Variants in ITGA9 observed in about 807,000 individuals in gnomAD.
ITGA9 encodes integrin subunit alpha 9.
ITGA9 carries 56 observed loss-of-function variants against 127.8 expected under a neutral mutation model. The ratio of observed to expected loss-of-function variants is 0.44; its 90% CI spans 0.35 to 0.55. ITGA9 has a LOEUF of 0.55. Ranked by LOEUF, ITGA9 falls within the 20% of genes least tolerant of loss-of-function variation. The pLI is 0.00. For missense variants in ITGA9, 1,196 were observed against 1,347.1 expected (o/e 0.89, Z 1.76); for synonymous variants, 508 against 514.5 (o/e 0.99, Z 0.17).
intron 17 of ITGA9, among the ~76,000 whole-genome samples, chr3:37,658,379 T>G (rs1034227158): frequency 6.6e-6 from 1 of 152,210 alleles, no homozygotes; most frequent in Non-Finnish European, 1.5e-5. Flanking sequence ...CTGTATTGGG[T>G]GCATATATAT....
intron 4 of ITGA9, among the ~76,000 whole-genome samples, chr3:37,487,502 T>C (rs1320165985): frequency 6.6e-6 from 1 of 152,232 alleles, no homozygotes. Context: ...CTACCTAAAC[T>C]GCATCTTTTG....
At chr3:37,550,934 G>A (rs1031485093) in intron 15 of ITGA9, among the ~76,000 whole-genome samples, 2 of 152,088 alleles carry the variant, frequency 1.3e-5, no homozygotes, top group African/African-American at 2.4e-5. Context: ...TGGGTATATC[G>A]CATACTGGTG....
intron 15 of ITGA9, among the ~76,000 whole-genome samples, chr3:37,611,321 A>G (rs1409070078): frequency 6.6e-6 from 1 of 152,148 alleles, no homozygotes; most frequent in Admixed American, 6.5e-5. Context: ...ATTGCTTTAG[A>G]TGTCATCTCA....
intron 4 of ITGA9, among the ~76,000 whole-genome samples, chr3:37,490,152 G>A (rs1698655258): frequency 6.6e-6 from 1 of 152,156 alleles, no homozygotes; most frequent in Admixed American, 6.5e-5. Flanking sequence ...GGTGACTCAA[G>A]ATGGAGCAGG....
In ITGA9 at chr3:37,779,955, T is replaced by C. The variant is rs1270681245; in HGVS notation, c.2721T>C (p.Ala907=). The change falls in exon 25 of 28, where the codon GCT becomes GCC. Residue 907 remains alanine (A), a synonymous_variant. Coordinates refer to ENST00000264741, the MANE Select transcript of ITGA9 (RefSeq NM_002207.3). ...TAACAGCACACTGTAACTTTAGTGC[T>C]CTTGCTAAAGAAGAAAGTCGTACTA... The part of the protein sequence containing the change: ...SCLTAHCNFS[A]LAKEESRTID... 8.1e-6 allele frequency: 13 copies of C among 1,613,586 alleles called. No homozygotes were observed. The highest frequency in any genetic ancestry group is 1.1e-5 in the Non-Finnish European group (13 of 1,179,466).
intron 17 of ITGA9, among the ~76,000 whole-genome samples, chr3:37,668,071 G>A (rs140592987): frequency 6.6e-6 from 1 of 152,278 alleles, no homozygotes; most frequent in East Asian, 1.9e-4. Context: ...GAGCTTTTCA[G>A]GGCCCACCAT....
chr3:37,532,713 A>G (rs955129167), intron 13 of ITGA9, among the ~76,000 whole-genome samples: 2 of 152,220 alleles, frequency 1.3e-5, no homozygotes, highest in Non-Finnish European at 2.9e-5. Context: ...TCATTTGGTC[A>G]TAAGACTGGG....
intron 18 of ITGA9, among the ~76,000 whole-genome samples, chr3:37,718,448 A>C (rs1198389991): frequency 1.3e-5 from 2 of 152,202 alleles, no homozygotes; most frequent in Non-Finnish European, 2.9e-5. Context: ...CTCAGTCCTC[A>C]CCAGCATAAG....
At chr3:37,608,513 G>C (rs932063606) in intron 15 of ITGA9, among the ~76,000 whole-genome samples, 2 of 152,160 alleles carry the variant, frequency 1.3e-5, no homozygotes, top group Non-Finnish European at 2.9e-5. Context: ...ATGGACTCCA[G>C]ACACTTCACT....
At chr3:37,749,846 T>G (rs1003829693) in intron 22 of ITGA9, among the ~76,000 whole-genome samples, 1 of 152,210 alleles carries the variant, frequency 6.6e-6, no homozygotes, top group Non-Finnish European at 1.5e-5. Context: ...CGCTTGGTTT[T>G]GGGATGACCC....
At chr3:37,817,778 A>G (rs1697453850) in intron 27 of ITGA9, among the ~76,000 whole-genome samples, 1 of 152,154 alleles carries the variant, frequency 6.6e-6, no homozygotes, top group Non-Finnish European at 1.5e-5. Context: ...TATGTGAGAA[A>G]AACTAGACAC....
intron 13 of ITGA9, among the ~76,000 whole-genome samples, chr3:37,532,261 C>T (rs1309462030): frequency 6.6e-6 from 1 of 152,220 alleles, no homozygotes; most frequent in East Asian, 1.9e-4. Flanking sequence ...AGTGGAGTCC[C>T]CTCACCCTAT....
intron 18 of ITGA9, among the ~76,000 whole-genome samples, chr3:37,702,246 C>T (rs1215986541): frequency 6.6e-6 from 1 of 152,204 alleles, no homozygotes; most frequent in East Asian, 1.9e-4. Flanking sequence ...AAAGATTTCT[C>T]AGCCCCAGGA....
At chr3:37,592,129 A>G (rs753402695) in intron 15 of ITGA9, among the ~76,000 whole-genome samples, 7 of 152,128 alleles carry the variant, frequency 4.6e-5, no homozygotes, top group Non-Finnish European at 1.0e-4. Context: ...CTATGGACTG[A>G]GACATCTCCC....
intron 27 of ITGA9, among the ~76,000 whole-genome samples, chr3:37,805,449 A>G (rs572427532): frequency 2.0e-5 from 3 of 152,274 alleles, no homozygotes; most frequent in East Asian, 3.9e-4. Flanking sequence ...TTTCCAGCAC[A>G]TCTTAAAGCT....
chr3:37,554,246 C>T (rs532358442), intron 15 of ITGA9, among the ~76,000 whole-genome samples: 3 of 151,992 alleles, frequency 2.0e-5, no homozygotes, highest in Admixed American at 6.6e-5. Flanking sequence ...TCAGGGTGAC[C>T]TCACTGACGA....
intron 14 of ITGA9, among the ~76,000 whole-genome samples, chr3:37,537,782 G>T (rs962254174): frequency 2.6e-5 from 4 of 152,228 alleles, no homozygotes; most frequent in Non-Finnish European, 4.4e-5. Flanking sequence ...GACACAGACA[G>T]ACACAGACTT....
At chr3:37,554,605 G>A (rs1418386216) in intron 15 of ITGA9, among the ~76,000 whole-genome samples, 3 of 152,106 alleles carry the variant, frequency 2.0e-5, no homozygotes, top group African/African-American at 4.8e-5. Flanking sequence ...GAGACTGAGC[G>A]TTACCCAGGG....
At chr3:37,496,980 G>A (rs930449931) in intron 5 of ITGA9, among the ~76,000 whole-genome samples, 1 of 152,158 alleles carries the variant, frequency 6.6e-6, no homozygotes, top group African/African-American at 2.4e-5. Context: ...CATTGCTTCT[G>A]TCTCTATCTT....
Sources: gnomAD v4.1 joint callset for allele counts (sites outside exome capture counted in the v4.1 genomes callset) on GRCh38, gnomAD v4.1.1 for gene constraint, MANE v1.5 for transcripts, NCBI Gene and HGNC (gene_info 2026-07-23, HGNC 2026-07-21) for gene names.